Variants in WNT9B observed in about 807,000 individuals in gnomAD.
WNT9B encodes Wnt family member 9B, also known as protein Wnt-9b.
A neutral mutation model predicts 30.2 loss-of-function variants in WNT9B; 12 were observed. The ratio of observed to expected loss-of-function variants is 0.40; its 90% confidence interval spans 0.26 to 0.64. The LOEUF is 0.64. Ranked by LOEUF, WNT9B falls within the 30% of genes least tolerant of loss-of-function variation. The pLI is 0.42. For missense variants in WNT9B, 442 were observed against 485.2 expected, an observed-to-expected ratio of 0.91 and a Z score of 0.84; for synonymous variants, 218 against 216.9, an observed-to-expected ratio of 1.01 and a Z score of -0.05.
upstream of WNT9B, among the ~76,000 whole-genome samples, chr17:46,849,825 C>T (rs952823218): frequency 2.0e-5 from 3 of 151,950 alleles, no homozygotes; most frequent in Non-Finnish European, 2.9e-5. Context: ...TATTAGGTGC[C>T]GGCACCTGCT....
chr17:46,836,029 G>A (rs556239231), intron 1 of WNT9B, among the ~76,000 whole-genome samples: 16 of 151,646 alleles, frequency 1.1e-4, no homozygotes, highest in Non-Finnish European at 2.2e-4. Context: ...TGGGGCCTGC[G>A]AGGATGGTCA....
intron 1 of WNT9B, among the ~76,000 whole-genome samples, chr17:46,857,388 T>A (rs2084955702): frequency 6.8e-6 from 1 of 146,518 alleles, no homozygotes; most frequent in South Asian, 2.1e-4. Flanking sequence ...GGCAGGAGAA[T>A]CACTTGAACC....
intron 1 of WNT9B, among the ~76,000 whole-genome samples, chr17:46,866,924 T>C (rs2085149727): frequency 6.6e-6 from 1 of 152,174 alleles, no homozygotes; most frequent in African/African-American, 2.4e-5. Context: ...ACCAACCTGG[T>C]CTTCCCCAAA....
At chr17:46,839,389 G>A (rs1371274112) in intron 1 of WNT9B, among the ~76,000 whole-genome samples, 4 of 152,174 alleles carry the variant, frequency 2.6e-5, no homozygotes, top group African/African-American at 7.2e-5. Flanking sequence ...CAGCACTGGC[G>A]TGGTGTCCAC....
chr17:46,851,617 A>G lies in WNT9B; in HGVS notation c.-22A>G. 1 of 1,241,516 alleles carries G rather than the reference A, an allele frequency of 8.1e-7. No homozygotes were observed. Among genetic ancestry groups the G allele is most frequent in the Non-Finnish European group, 1.0e-6 (1 of 990,746 alleles). The allele number at this position is 1,241,516 out of a possible 1,614,324, so 76.9% of individuals were successfully genotyped here. A position where few individuals can be genotyped will look rare whatever the true frequency, so the allele number is the denominator to read the frequency against. On this transcript the variant is annotated 5_prime_UTR_variant, in exon 1 of 4. Transcript: ENST00000290015. The surrounding 1 kb of genome is among the most constrained non-coding windows in gnomAD (Gnocchi z 4.3). ...CTTGAGCGGCGCGAGGAGATGCTAG[A>G]GGGCGCAGCGCCGCCAGCACCATGC...
rs1208033364 is a variant in WNT9B, at chr17:46,861,843, G to C, written c.77+10128G>C. ...TACAATCCCTTTGAGGCCAGATGCT[G>C]TCAGAATTCAACATTTCTCTTTGAA... is the stretch of plus-strand genomic sequence containing the variant. On this transcript the variant is annotated intron_variant, in intron 1 of 3. Coordinates refer to ENST00000290015, the MANE Select transcript of WNT9B (RefSeq NM_003396.3). Among the ~76,000 whole-genome samples the C allele has an allele frequency of 2.0e-5, 3 of 152,198 alleles. No individual in the cohort carries two copies. The East Asian group carries it at 5.8e-4, about 29-fold the overall frequency.
At chr17:46,848,394 C>A (rs2084801953), upstream of WNT9B, among the ~76,000 whole-genome samples, 2 of 152,218 alleles carry the variant, frequency 1.3e-5, no homozygotes, top group Admixed American at 6.5e-5. Context: ...TGTGCTGGGA[C>A]CTGTGCCAGA....
intron 1 of WNT9B, among the ~76,000 whole-genome samples, chr17:46,863,669 G>A (rs8082211): frequency 0.043 from 6,500 of 152,242 alleles, 468 homozygotes; most frequent in African/African-American, 0.14. Flanking sequence ...AAGGTTCCAG[G>A]GTATCCATGA....
chr17:46,850,902 A>G (rs548483259), upstream of WNT9B, among the ~76,000 whole-genome samples: 40 of 152,232 alleles, frequency 2.6e-4, no homozygotes, highest in African/African-American at 9.4e-4. Flanking sequence ...GAACATCAGC[A>G]GCATTTTGTC....
chr17:46,833,408 G>T (rs1317358933), exon 1 of WNT9B: 3 of 518,114 alleles, frequency 5.8e-6, no homozygotes, highest in Non-Finnish European at 1.2e-5. Context: ...CCAGTCCTGG[G>T]AGCCTTACCA....
chr17:46,860,492 CT>C (rs922811132), intron 1 of WNT9B, among the ~76,000 whole-genome samples: 2 of 152,218 alleles, frequency 1.3e-5, no homozygotes, highest in Admixed American at 1.3e-4. Flanking sequence ...CTACCACTTA[CT>C]GACTGACCCA....
At chr17:46,874,786 C>T (rs2085315386) in intron 2 of WNT9B, among the ~76,000 whole-genome samples, 2 of 152,152 alleles carry the variant, frequency 1.3e-5, no homozygotes, top group Admixed American at 6.5e-5. Context: ...CCATATTGGC[C>T]AGACTGGTCT....
chr17:46,857,341 G>A (rs2084954729), intron 1 of WNT9B, among the ~76,000 whole-genome samples: 1 of 151,862 alleles, frequency 6.6e-6, no homozygotes, highest in Non-Finnish European at 1.5e-5. Flanking sequence ...TGATGGTGGT[G>A]GTGCATGCCT....
rs1405703736 is a variant in WNT9B at position 46,877,644 on chromosome 17, T to C, written c.*926T>C. ...GGTGCCTGGCAGTGACGTGGCGAGC[T>C]CAGTTTCTCAGCTGGCTCTTGAGTG... On this transcript the variant is annotated 3_prime_UTR_variant, in exon 4 of 4. Transcript: ENST00000290015. Among the ~76,000 whole-genome samples, 2 of 152,166 alleles carry C rather than the reference T, an allele frequency of 1.3e-5. No homozygotes were observed. The highest frequency in any genetic ancestry group is 2.9e-5 in the Non-Finnish European group (2 of 68,024).
chr17:46,862,286 C>T (rs1241937874), intron 1 of WNT9B, among the ~76,000 whole-genome samples: 3 of 151,902 alleles, frequency 2.0e-5, no homozygotes, highest in Admixed American at 6.6e-5. Context: ...AGAAAGGTAA[C>T]GTATCGTATA....
chr17:46,845,485 ATT>A (rs34586359), intron 1 of WNT9B, among the ~76,000 whole-genome samples: 454 of 121,330 alleles, frequency 3.7e-3, no homozygotes, highest in African/African-American at 0.012. Flanking sequence ...AGTTATCTGA[ATT>A]TTTTTTTTTT....
chr17:46,835,465 C>G (rs2084617114), intron 1 of WNT9B, among the ~76,000 whole-genome samples: 1 of 152,212 alleles, frequency 6.6e-6, no homozygotes, highest in Admixed American at 6.5e-5. Context: ...CCCACCTCGG[C>G]CTCTCAAAGT....
chr17:46,876,236 C>A lies in WNT9B; in HGVS notation c.601-9C>A, dbSNP rs766877930. On this transcript the variant is annotated splice_polypyrimidine_tract_variant and intron_variant, in intron 3 of 3. Transcript: ENST00000290015. ...CTCTGACCACGCCTCTGTTCTGCCT[C>A]CCCCACAGGCTGTGAAGAGTGGCCT... is the stretch of plus-strand genomic sequence containing the variant. 8.2e-6 allele frequency: 13 copies of A among 1,594,962 alleles called. No homozygotes were observed. In the East Asian group the frequency reaches 2.9e-4, roughly 36 times the overall value.
At chr17:46,845,297 G>T (rs915909756) in intron 1 of WNT9B, among the ~76,000 whole-genome samples, 3 of 151,944 alleles carry the variant, frequency 2.0e-5, no homozygotes, top group African/African-American at 7.2e-5. Flanking sequence ...CTGCTGCTCC[G>T]TGCCACCTGC....
Sources: allele counts gnomAD v4.1 joint callset (sites outside exome capture counted in the v4.1 genomes callset), GRCh38; gene constraint gnomAD v4.1.1; non-coding constraint Gnocchi (gnomAD v3.1); transcripts MANE v1.5; gene names NCBI Gene and HGNC (gene_info 2026-07-23, HGNC 2026-07-21).